Variants in TBC1D32 observed in about 807,000 individuals in gnomAD.
TBC1D32 encodes the protein TBC1 domain family member 32, also known as protein broad-minded.
Under a neutral mutation model 170.3 loss-of-function variants are expected in TBC1D32, and 151 were observed. That is an observed-to-expected ratio of 0.89 (90% CI 0.78 to 1.01). TBC1D32 has a LOEUF of 1.01. Among genes scored for constraint, TBC1D32 ranks in the 50% least tolerant of loss-of-function variants. The pLI is 0.00. For missense variants in TBC1D32, 1,464 were observed against 1,457.1 expected (o/e 1.00, Z -0.08); for synonymous variants, 498 against 488.0 (o/e 1.02, Z -0.27).
At chr6:121,279,302 TCA>T in intron 14 of TBC1D32, 57 bp from the exon 15 acceptor site, 1 of 1,552,592 alleles carries the variant, frequency 6.4e-7, no homozygotes, top group Non-Finnish European at 8.7e-7. Context: ...TGCTAACATA[TCA>T]CAGACTAAAA....
Position 121,305,168 on chromosome 6 carries a change from A to AT in TBC1D32, c.691-336dup, listed in dbSNP as rs1358490122. On this transcript the variant is annotated intron_variant, in intron 5 of 31. Coordinates refer to ENST00000398212, the MANE Select transcript of TBC1D32 (RefSeq NM_152730.6). ...AAAGGAACAGAGTAGGCAGTACTAAATTTTTTTAACACCCCGTATTTCCAA... is the reference window on the plus strand; with the variant it reads ...AAAGGAACAGAGTAGGCAGTACTAAATTTTTTTTAACACCCCGTATTTCCAA... Among the ~76,000 whole-genome samples, 5 of 152,120 alleles carry AT rather than the reference A, an allele frequency of 3.3e-5. 1 individual carries two copies. Among genetic ancestry groups the AT allele is most frequent in the Admixed American group, 2.6e-4 (4 of 15,280 alleles).
intron 29 of TBC1D32, among the ~76,000 whole-genome samples, chr6:121,110,122 G>A (rs1488057931): frequency 6.6e-6 from 1 of 151,582 alleles, no homozygotes; most frequent in African/African-American, 2.4e-5. Context: ...GTGGTGGCAG[G>A]CACCTGTAGT....
chr6:121,258,900 C>A (rs1741810454), intron 15 of TBC1D32, among the ~76,000 whole-genome samples: 1 of 151,414 alleles, frequency 6.6e-6, no homozygotes, highest in African/African-American at 2.4e-5. Flanking sequence ...TTTAACTGGA[C>A]CATGAAGATT....
chr6:121,103,872 A>T (rs531021646), intron 30 of TBC1D32, among the ~76,000 whole-genome samples: 41 of 152,034 alleles, frequency 2.7e-4, no homozygotes, highest in Non-Finnish European at 5.3e-4. Context: ...GAAGAATAGA[A>T]AGAATTGATT....
chr6:121,156,873 G>C (rs181615088), intron 24 of TBC1D32, among the ~76,000 whole-genome samples: 3 of 152,114 alleles, frequency 2.0e-5, no homozygotes, highest in Non-Finnish European at 2.9e-5. Context: ...TGTGGTCTGA[G>C]AGTGTGCTTG....
intron 29 of TBC1D32, among the ~76,000 whole-genome samples, chr6:121,111,070 T>C (rs894891126): frequency 6.6e-6 from 1 of 152,224 alleles, no homozygotes; most frequent in African/African-American, 2.4e-5. Context: ...GCCAGTAATG[T>C]GTCACTCCCT....
chr6:121,225,695 A>G (rs923917294), intron 20 of TBC1D32, among the ~76,000 whole-genome samples: 1 of 152,114 alleles, frequency 6.6e-6, no homozygotes, highest in Non-Finnish European at 1.5e-5. Flanking sequence ...TATTCAAACT[A>G]AAACAACCTG....
intron 17 of TBC1D32, among the ~76,000 whole-genome samples, chr6:121,243,578 AAC>A (rs750219871): frequency 5.3e-5 from 8 of 151,618 alleles, no homozygotes; most frequent in South Asian, 2.1e-4. Context: ...TTAGTAACAA[AAC>A]ACACACACAC....
intron 26 of TBC1D32, among the ~76,000 whole-genome samples, chr6:121,125,561 G>T (rs1780743402): frequency 1.3e-5 from 2 of 151,928 alleles, no homozygotes; most frequent in Non-Finnish European, 2.9e-5. Context: ...AGTTGCAACG[G>T]GGGGGTCAGA....
intron 25 of TBC1D32, among the ~76,000 whole-genome samples, chr6:121,131,006 C>G (rs538588135): frequency 1.3e-5 from 2 of 152,134 alleles, no homozygotes; most frequent in South Asian, 4.2e-4. Context: ...AACTATAAAG[C>G]ATTGCTGATA....
intron 15 of TBC1D32, among the ~76,000 whole-genome samples, chr6:121,257,299 C>T (rs6933263): frequency 0.88 from 134,446 of 152,092 alleles, 59,866 homozygotes; most frequent in East Asian, 0.98. Flanking sequence ...CTACCTCCTA[C>T]TGCATGAAGC....
chr6:121,317,802 T>G, intron 2 of TBC1D32, 130 bp from the exon 3 acceptor site: 2 of 553,422 alleles, frequency 3.6e-6, no homozygotes, highest in Non-Finnish European at 5.8e-6. Flanking sequence ...AGGAGAAAAA[T>G]CGAACTCAAT....
At chr6:121,234,418 TTTTC>T (rs1404088330) in intron 20 of TBC1D32, among the ~76,000 whole-genome samples, 1 of 152,112 alleles carries the variant, frequency 6.6e-6, no homozygotes, top group African/African-American at 2.4e-5. Flanking sequence ...TTAAAAATTT[TTTTC>T]TTTATCTTTG....
chr6:121,328,452 A>ATT (rs1425652969), intron 1 of TBC1D32, among the ~76,000 whole-genome samples: 2 of 144,016 alleles, frequency 1.4e-5, no homozygotes, highest in African/African-American at 2.5e-5. Context: ...CACCTGGCTA[A>ATT]TTTTTTTTTT....
At chr6:121,266,806 C>T (rs894314487) in intron 15 of TBC1D32, among the ~76,000 whole-genome samples, 10 of 151,764 alleles carry the variant, frequency 6.6e-5, no homozygotes, top group South Asian at 4.2e-4. Flanking sequence ...CAAACTAACA[C>T]GGAAACAAAA....
chr6:121,208,428 T>A (rs9375011), intron 21 of TBC1D32, among the ~76,000 whole-genome samples: 1 of 151,644 alleles, frequency 6.6e-6, no homozygotes, highest in Non-Finnish European at 1.5e-5. Flanking sequence ...TATAAAATCT[T>A]ATGAGAAGTC....
At chr6:121,247,296 C>A (rs1433879045) in intron 17 of TBC1D32, among the ~76,000 whole-genome samples, 1 of 151,906 alleles carries the variant, frequency 6.6e-6, no homozygotes, top group African/African-American at 2.4e-5. Context: ...TACCACCAAA[C>A]AAGCACTACA....
intron 3 of TBC1D32, among the ~76,000 whole-genome samples, chr6:121,314,936 A>T (rs1396187576): frequency 1.3e-5 from 2 of 152,224 alleles, no homozygotes; most frequent in Non-Finnish European, 2.9e-5. Flanking sequence ...CACTGTTCTA[A>T]GCACAAGACA....
intron 17 of TBC1D32, among the ~76,000 whole-genome samples, chr6:121,242,849 A>T (rs554156902): frequency 6.6e-6 from 1 of 152,224 alleles, no homozygotes; most frequent in East Asian, 1.9e-4. Context: ...AAAGATCAAC[A>T]TATATTTATA....
Sources: gnomAD v4.1 joint callset for allele counts (sites outside exome capture counted in the v4.1 genomes callset) on GRCh38, gnomAD v4.1.1 for gene constraint, MANE v1.5 for transcripts, NCBI Gene and HGNC (gene_info 2026-07-23, HGNC 2026-07-21) for gene names.